KCNAB1: variants seen among roughly 807,000 people sequenced by gnomAD.
The protein encoded by KCNAB1 is potassium voltage-gated channel subfamily A regulatory beta subunit 1.
KCNAB1 carries 35 observed loss-of-function variants against 64.6 expected under a neutral mutation model. The ratio of observed to expected loss-of-function variants is 0.54; its 90% confidence interval spans 0.41 to 0.72. KCNAB1 has a LOEUF of 0.72. Ranked by LOEUF, KCNAB1 falls within the 30% of genes least tolerant of loss-of-function variation. The pLI, the probability that KCNAB1 is intolerant of heterozygous loss-of-function variation, is 0.00. For missense variants in KCNAB1, 401 were observed against 512.9 expected (o/e 0.78, Z 2.11); for synonymous variants, 177 against 183.8 (o/e 0.96, Z 0.30).
At chr3:156,162,248 C>T (rs1447278681) in intron 1 of KCNAB1, among the ~76,000 whole-genome samples, 1 of 104,140 alleles carries the variant, frequency 9.6e-6, no homozygotes, top group African/African-American at 2.8e-5. Flanking sequence ...CATATTTATA[C>T]TGGATTTTTT....
intron 8 of KCNAB1, among the ~76,000 whole-genome samples, chr3:156,488,882 C>T (rs1483013968): frequency 6.6e-6 from 1 of 151,996 alleles, no homozygotes; most frequent in African/African-American, 2.4e-5. Flanking sequence ...TTAGAGGCAA[C>T]GGAAGTTCCT....
At position 156,537,026 on chromosome 3, in the gene KCNAB1, G is replaced by C. The variant is rs1286465087; in HGVS notation, c.*279G>C. Reference sequence around the variant, plus strand: ...GCTTATGCAATGGGAAGAATATGGGGGCCAGGGGGTGTGGTACTACCTTCA... The same window carrying C: ...GCTTATGCAATGGGAAGAATATGGGCGCCAGGGGGTGTGGTACTACCTTCA... On this transcript the variant is annotated 3_prime_UTR_variant, in exon 14 of 14. Transcript: ENST00000490337. 2 of 471,392 alleles carry C rather than the reference G, an allele frequency of 4.2e-6. No individual in the cohort carries two copies. The highest frequency in any genetic ancestry group is 7.4e-6 in the Non-Finnish European group (2 of 269,118). 29.2% of individuals were successfully genotyped at this position (471,392 alleles called of 1,614,324 possible).
chr3:156,294,843 G>A (rs1720677703), intron 1 of KCNAB1, among the ~76,000 whole-genome samples: 2 of 152,206 alleles, frequency 1.3e-5, no homozygotes, highest in South Asian at 4.1e-4. Flanking sequence ...CTGAGGAAAG[G>A]GTTTATAGCT....
Position 156,149,648 on chromosome 3 carries a change from C to CA in KCNAB1, c.275+28766dup, listed in dbSNP as rs369421025. Among the ~76,000 whole-genome samples, 412 of 152,198 alleles carry CA rather than the reference C, an allele frequency of 2.7e-3. 1 individual carries two copies. The highest frequency in any genetic ancestry group is 9.3e-3 in the African/African-American group (388 of 41,526). On this transcript the variant is annotated intron_variant, in intron 1 of 13. Transcript: ENST00000490337. ...CTCTCATCCCCTGCTTCCTTATCTA[C>CA]AAAATGAAGCTGAAAAACCCTACTT...
chr3:156,146,070 C>G (rs1715019912), intron 1 of KCNAB1, among the ~76,000 whole-genome samples: 4 of 152,048 alleles, frequency 2.6e-5, no homozygotes, highest in Admixed American at 1.3e-4. Context: ...TGCTTGGGTC[C>G]CTCGATCATC....
intron 1 of KCNAB1, among the ~76,000 whole-genome samples, chr3:156,155,992 C>T (rs962109358): frequency 6.6e-6 from 1 of 152,088 alleles, no homozygotes; most frequent in African/African-American, 2.4e-5. Flanking sequence ...CCTTGGTGTC[C>T]AGAGTTTTTA....
At chr3:156,263,795 G>A (rs961020224) in intron 1 of KCNAB1, among the ~76,000 whole-genome samples, 3 of 151,998 alleles carry the variant, frequency 2.0e-5, no homozygotes, top group Non-Finnish European at 2.9e-5. Flanking sequence ...GTAAATAGTT[G>A]CATTGTATTT....
chr3:156,162,019 G>A (rs1716110492), intron 1 of KCNAB1, among the ~76,000 whole-genome samples: 2 of 152,082 alleles, frequency 1.3e-5, no homozygotes, highest in Admixed American at 1.3e-4. Flanking sequence ...AATACGACAG[G>A]GTTTTGAATT....
At chr3:156,196,543 T>G (rs1713962420) in intron 1 of KCNAB1, among the ~76,000 whole-genome samples, 1 of 152,166 alleles carries the variant, frequency 6.6e-6, no homozygotes, top group Non-Finnish European at 1.5e-5. Flanking sequence ...TAAGTTGTAT[T>G]CTTAGGTATT....
At chr3:156,161,765 A>T (rs1179186036) in intron 1 of KCNAB1, among the ~76,000 whole-genome samples, 1 of 152,248 alleles carries the variant, frequency 6.6e-6, no homozygotes, top group Non-Finnish European at 1.5e-5. Flanking sequence ...ACTTGTCTAC[A>T]AAATACTTAA....
At chr3:156,265,577 T>C (rs1718652807) in intron 1 of KCNAB1, among the ~76,000 whole-genome samples, 1 of 152,182 alleles carries the variant, frequency 6.6e-6, no homozygotes. Flanking sequence ...CTGTGTGGGG[T>C]ATGGGCAGGC....
At chr3:156,414,039 T>C (rs1714877447) in intron 1 of KCNAB1, among the ~76,000 whole-genome samples, 1 of 152,250 alleles carries the variant, frequency 6.6e-6, no homozygotes, top group Non-Finnish European at 1.5e-5. Flanking sequence ...ATTAAGTGTA[T>C]GTTTAAATAT....
chr3:156,451,004 T>C (rs1012047128), intron 2 of KCNAB1, among the ~76,000 whole-genome samples: 1 of 152,200 alleles, frequency 6.6e-6, no homozygotes, highest in Admixed American at 6.5e-5. Flanking sequence ...TACTACTCTT[T>C]GATTTCAGTG....
intron 1 of KCNAB1, among the ~76,000 whole-genome samples, chr3:156,186,259 TA>T (rs775896226): frequency 1.3e-5 from 2 of 152,210 alleles, no homozygotes; most frequent in Non-Finnish European, 2.9e-5. Flanking sequence ...AGAACCTGCC[TA>T]TTTTTTTTCT....
At chr3:156,122,876 C>T (rs530272535) in intron 1 of KCNAB1, among the ~76,000 whole-genome samples, 4 of 152,296 alleles carry the variant, frequency 2.6e-5, no homozygotes, top group East Asian at 1.9e-4. Context: ...GGCAGTTTTT[C>T]TCATCGCCAG....
intron 1 of KCNAB1, among the ~76,000 whole-genome samples, chr3:156,129,650 T>C (rs1312652172): frequency 6.6e-6 from 1 of 152,148 alleles, no homozygotes; most frequent in African/African-American, 2.4e-5. Context: ...AATGAGATAA[T>C]ATCCATAAAA....
intron 1 of KCNAB1, among the ~76,000 whole-genome samples, chr3:156,355,416 C>T (rs1725166027): frequency 1.3e-5 from 2 of 152,148 alleles, no homozygotes; most frequent in Admixed American, 1.3e-4. Flanking sequence ...AGGGAGATGT[C>T]CTCATTGCCT....
chr3:156,507,451 C>T (rs1373648917), intron 8 of KCNAB1, among the ~76,000 whole-genome samples: 1 of 152,174 alleles, frequency 6.6e-6, no homozygotes, highest in Non-Finnish European at 1.5e-5. Context: ...ATATGTGACT[C>T]ATGATCCATA....
chr3:156,410,773 TTTAA>T (rs1464623431), intron 1 of KCNAB1, among the ~76,000 whole-genome samples: 1 of 152,232 alleles, frequency 6.6e-6, no homozygotes, highest in Non-Finnish European at 1.5e-5. Flanking sequence ...GCAAAATGCC[TTTAA>T]TTCTTTTTAT....
Sources: gnomAD v4.1 joint callset for allele counts (sites outside exome capture counted in the v4.1 genomes callset) on GRCh38, gnomAD v4.1.1 for gene constraint, MANE v1.5 for transcripts, NCBI Gene and HGNC (gene_info 2026-07-23, HGNC 2026-07-21) for gene names.